Variants in LDAH observed in about 807,000 individuals in gnomAD.
The protein encoded by LDAH is lipid droplet-associated hydrolase.
LDAH carries 26 observed loss-of-function variants against 29.6 expected under a neutral mutation model. The ratio of observed to expected loss-of-function variants is 0.88; its 90% CI spans 0.64 to 1.22. LDAH has a LOEUF of 1.22. Ranked by LOEUF, LDAH falls within the 50% of genes most tolerant of loss-of-function variation. The pLI is 0.00. For synonymous variants in LDAH, 117 were observed against 133.0 expected (o/e 0.88, Z 0.83); for missense variants, 344 against 387.3 (o/e 0.89, Z 0.94).
chr2:20,725,323 G>A (rs1665935420), intron 5 of LDAH, among the ~76,000 whole-genome samples: 1 of 152,118 alleles, frequency 6.6e-6, no homozygotes, highest in Non-Finnish European at 1.5e-5. Context: ...ATAATCTTGG[G>A]AGCTGAGATG....
chr2:20,786,283 G>A (rs1461607256), intron 3 of LDAH, among the ~76,000 whole-genome samples: 14 of 151,948 alleles, frequency 9.2e-5, no homozygotes, highest in Admixed American at 1.3e-4. Context: ...TCTGCCTCCC[G>A]GGTTCAAGCA....
chr2:20,786,689 G>A (rs1670580485), intron 3 of LDAH, among the ~76,000 whole-genome samples: 1 of 152,090 alleles, frequency 6.6e-6, no homozygotes, highest in Non-Finnish European at 1.5e-5. Flanking sequence ...AAAATGAGGA[G>A]GGAAACATCC....
At chr2:20,809,472 T>A (rs1672323089) in intron 1 of LDAH, among the ~76,000 whole-genome samples, 1 of 152,066 alleles carries the variant, frequency 6.6e-6, no homozygotes, top group African/African-American at 2.4e-5. Flanking sequence ...AAGACACTAT[T>A]AAGAGAGTCA....
intron 5 of LDAH, among the ~76,000 whole-genome samples, chr2:20,721,127 T>C (rs1298834459): frequency 6.6e-6 from 1 of 151,936 alleles, no homozygotes; most frequent in Non-Finnish European, 1.5e-5. Context: ...AATAGACAAA[T>C]GGGATTACAC....
intron 4 of LDAH, among the ~76,000 whole-genome samples, chr2:20,750,582 C>T (rs1196824752): frequency 1.3e-5 from 2 of 152,186 alleles, no homozygotes; most frequent in African/African-American, 4.8e-5. Flanking sequence ...GCTAATATTT[C>T]CAATTGATAG....
Position 20,723,299 on chromosome 2 carries a change from T to C in LDAH, c.703+16672A>G, listed in dbSNP as rs1208323090. Among the ~76,000 whole-genome samples the C allele has an allele frequency of 2.0e-5, 3 of 152,286 alleles. No homozygotes were observed. In the South Asian group the frequency reaches 6.2e-4, roughly 32 times the overall value. ...CATCTAGATGTTAGTAGTAGTTACA[T>C]TTGGGAAAATGGAGTAAGTGAGATG... On this transcript the variant is annotated intron_variant, in intron 5 of 6. Coordinates refer to ENST00000237822, the MANE Select transcript of LDAH (RefSeq NM_021925.4).
chr2:20,771,081 G>A (rs1281249805), intron 4 of LDAH, among the ~76,000 whole-genome samples: 1 of 152,052 alleles, frequency 6.6e-6, no homozygotes, highest in Non-Finnish European at 1.5e-5. Context: ...AATATATGAA[G>A]AATATCTCTA....
At chr2:20,794,228 T>C (rs1053496994) in intron 2 of LDAH, among the ~76,000 whole-genome samples, 1 of 152,096 alleles carries the variant, frequency 6.6e-6, no homozygotes, top group Non-Finnish European at 1.5e-5. Flanking sequence ...TTATTCACTA[T>C]CACAAGAACA....
At chr2:20,792,761 T>C (rs1055912374) in intron 2 of LDAH, among the ~76,000 whole-genome samples, 1 of 152,064 alleles carries the variant, frequency 6.6e-6, no homozygotes, top group Non-Finnish European at 1.5e-5. Context: ...TGACACGATA[T>C]ATGAAAAACA....
chr2:20,699,498 C>A (rs1176532716), intron 6 of LDAH, among the ~76,000 whole-genome samples: 1 of 152,104 alleles, frequency 6.6e-6, no homozygotes, highest in Admixed American at 6.5e-5. Flanking sequence ...CAATAAACTT[C>A]CTGTCTCTCT....
At chr2:20,705,637 TG>T (rs1664246007) in intron 5 of LDAH, among the ~76,000 whole-genome samples, 1 of 152,094 alleles carries the variant, frequency 6.6e-6, no homozygotes, top group African/African-American at 2.4e-5. Flanking sequence ...TATTGTCTAG[TG>T]GGGGAGAGAA....
At chr2:20,720,915 A>C (rs1665602746) in intron 5 of LDAH, among the ~76,000 whole-genome samples, 1 of 152,138 alleles carries the variant, frequency 6.6e-6, no homozygotes, top group Non-Finnish European at 1.5e-5. Flanking sequence ...ACATTATTGA[A>C]ACTAGATATC....
At chr2:20,688,789 A>AAGTGGCAG (rs1248195403) in intron 6 of LDAH, among the ~76,000 whole-genome samples, 1 of 151,468 alleles carries the variant, frequency 6.6e-6, no homozygotes, top group East Asian at 1.9e-4. Context: ...AGTAAACCTC[A>AAGTGGCAG]AGTGGCAGAC....
chr2:20,814,439 A>G (rs1672715537), intron 1 of LDAH, among the ~76,000 whole-genome samples: 1 of 152,118 alleles, frequency 6.6e-6, no homozygotes, highest in South Asian at 2.1e-4. Flanking sequence ...GAAAGGAGAA[A>G]GAACTTTTTG....
At chr2:20,788,850 T>A in intron 3 of LDAH, 1 of 311,444 alleles carries the variant, frequency 3.2e-6, no homozygotes, top group South Asian at 3.4e-5. Flanking sequence ...TTTATAAACT[T>A]ATATTTAAGT....
chr2:20,716,720 GTATATATACATA>G (rs1426682326), intron 5 of LDAH, among the ~76,000 whole-genome samples: 7 of 131,368 alleles, frequency 5.3e-5, no homozygotes, highest in Admixed American at 3.2e-4. Context: ...AGAACTTTAA[GTATATATACATA>G]TATATATATA....
intron 3 of LDAH, among the ~76,000 whole-genome samples, chr2:20,785,665 T>C (rs903148427): frequency 2.0e-5 from 3 of 152,212 alleles, no homozygotes; most frequent in African/African-American, 7.2e-5. Context: ...GTTACACCTT[T>C]TGAAATTGTC....
intron 3 of LDAH, among the ~76,000 whole-genome samples, chr2:20,780,830 G>A (rs1670145415): frequency 6.6e-6 from 1 of 151,912 alleles, no homozygotes; most frequent in African/African-American, 2.4e-5. Context: ...TCATTTCTAG[G>A]GACTGTGAGC....
intron 2 of LDAH, among the ~76,000 whole-genome samples, chr2:20,798,602 AATAC>A (rs1298415692): frequency 6.7e-6 from 1 of 149,038 alleles, no homozygotes; most frequent in African/African-American, 2.4e-5. Flanking sequence ...AATATAATAT[AATAC>A]ATAGTCATAA....
Sources: gnomAD v4.1 joint callset for allele counts (sites outside exome capture counted in the v4.1 genomes callset) on GRCh38, gnomAD v4.1.1 for gene constraint, MANE v1.5 for transcripts, NCBI Gene and HGNC (gene_info 2026-07-23, HGNC 2026-07-21) for gene names.